Variants in TTC29 observed in about 807,000 individuals in gnomAD.
The protein encoded by TTC29 is tetratricopeptide repeat protein 29.
In TTC29, 49 loss-of-function variants were observed where a neutral mutation model predicts 58.1. The ratio of observed to expected loss-of-function variants is 0.84; its 90% CI spans 0.67 to 1.07. TTC29 has a LOEUF of 1.07. Among genes scored for constraint, TTC29 ranks in the 50% least tolerant of loss-of-function variants. TTC29 has a pLI of 0.00. For missense variants in TTC29, 582 were observed against 555.6 expected, an observed-to-expected ratio of 1.05 and a Z score of -0.48; for synonymous variants, 209 against 196.8, an observed-to-expected ratio of 1.06 and a Z score of -0.52.
intron 5 of TTC29, among the ~76,000 whole-genome samples, chr4:146,904,478 G>A (rs1200239255): frequency 6.6e-6 from 1 of 151,898 alleles, no homozygotes; most frequent in Non-Finnish European, 1.5e-5. Context: ...AAATGTGTCC[G>A]TCAATTGTGA....
intron 11 of TTC29, among the ~76,000 whole-genome samples, chr4:146,787,498 C>T (rs764117744): frequency 6.6e-6 from 1 of 152,156 alleles, no homozygotes; most frequent in Non-Finnish European, 1.5e-5. Flanking sequence ...TAGTTGTTTG[C>T]TATTAAGACT....
chr4:146,907,005 C>G (rs1450544992), intron 5 of TTC29, among the ~76,000 whole-genome samples: 1 of 152,096 alleles, frequency 6.6e-6, no homozygotes, highest in African/African-American at 2.4e-5. Context: ...GCCTGTAGTC[C>G]CAGCTACTCG....
At chr4:146,777,186 A>G (rs978685123) in intron 11 of TTC29, among the ~76,000 whole-genome samples, 1 of 152,170 alleles carries the variant, frequency 6.6e-6, no homozygotes, top group Non-Finnish European at 1.5e-5. Context: ...GAGGCGGAAG[A>G]TATTAGGTTC....
At chr4:146,857,711 A>T (rs543430173) in intron 8 of TTC29, among the ~76,000 whole-genome samples, 104 of 152,266 alleles carry the variant, frequency 6.8e-4, no homozygotes, top group Middle Eastern at 6.8e-3. Flanking sequence ...TGGAAGGGTA[A>T]ATTTTAGGTA....
chr4:146,732,903 G>C (rs187974974), intron 11 of TTC29, among the ~76,000 whole-genome samples: 1 of 152,276 alleles, frequency 6.6e-6, no homozygotes, highest in East Asian at 1.9e-4. Context: ...CATAACTTTA[G>C]GCCCAAAGGT....
At chr4:146,930,185 T>C (rs1386831720) in intron 4 of TTC29, among the ~76,000 whole-genome samples, 1 of 148,196 alleles carries the variant, frequency 6.7e-6, no homozygotes, top group East Asian at 2.0e-4. Context: ...TTTTAAATGG[T>C]CTCAGAGAAT....
At chr4:146,943,169 CTTTTTTTTTT>C (rs61184684) in intron 2 of TTC29, among the ~76,000 whole-genome samples, 13 of 59,494 alleles carry the variant, frequency 2.2e-4, no homozygotes, top group South Asian at 8.9e-4. Flanking sequence ...ATCAACTGTG[CTTTTTTTTTT>C]TTTTTTTTTT....
intron 7 of TTC29, among the ~76,000 whole-genome samples, chr4:146,872,292 C>CT (rs1730985314): frequency 6.6e-6 from 1 of 151,942 alleles, no homozygotes; most frequent in African/African-American, 2.4e-5. Flanking sequence ...ACTAAAAACT[C>CT]TTAAAGCATA....
chr4:146,880,781 C>T (rs990698962), intron 6 of TTC29, among the ~76,000 whole-genome samples: 7 of 152,026 alleles, frequency 4.6e-5, no homozygotes, highest in African/African-American at 1.7e-4. Flanking sequence ...TTTTGATGCA[C>T]ATTTTTGATT....
At chr4:146,728,763 A>ACATATATATGTGTATATATACG (rs1244598268) in intron 11 of TTC29, among the ~76,000 whole-genome samples, 14 of 65,094 alleles carry the variant, frequency 2.2e-4, no homozygotes, top group Admixed American at 8.1e-4. Flanking sequence ...ATATATGTAC[A>ACATATATATGTGTATATATACG]TATATATACA....
At chr4:146,844,892 A>G (rs1354845519) in intron 8 of TTC29, among the ~76,000 whole-genome samples, 1 of 152,204 alleles carries the variant, frequency 6.6e-6, no homozygotes, top group Non-Finnish European at 1.5e-5. Flanking sequence ...GTCGTTAGTA[A>G]TGGCAGAGGT....
At chr4:146,865,163 T>C (rs1277102256) in intron 8 of TTC29, among the ~76,000 whole-genome samples, 1 of 152,170 alleles carries the variant, frequency 6.6e-6, no homozygotes, top group Non-Finnish European at 1.5e-5. Flanking sequence ...ATGTCAAATA[T>C]TCCTTCTTCA....
intron 11 of TTC29, among the ~76,000 whole-genome samples, chr4:146,796,205 T>G (rs567883776): frequency 1.3e-5 from 2 of 152,182 alleles, no homozygotes; most frequent in African/African-American, 4.8e-5. Flanking sequence ...CTAAAAGAAG[T>G]GTTGAAAACC....
chr4:146,834,933 C>G (rs1273648861), intron 8 of TTC29, among the ~76,000 whole-genome samples: 1 of 152,102 alleles, frequency 6.6e-6, no homozygotes, highest in African/African-American at 2.4e-5. Flanking sequence ...TGACATAATA[C>G]TGTTGTTAAA....
In TTC29 at chr4:146,921,687, G is replaced by C. The variant is rs115508103; in HGVS notation, c.177-12438C>G. ...AAATACATAAAATTAACAGAATAAT[G>C]AGAAGACATCGATTTTAATTTTTTT... On this transcript the variant is annotated intron_variant, in intron 4 of 12. Coordinates refer to ENST00000325106, the MANE Select transcript of TTC29 (RefSeq NM_031956.4). Among the ~76,000 whole-genome samples, 596 of 151,076 alleles carry C rather than the reference G, an allele frequency of 3.9e-3. 4 individuals carry two copies. The highest frequency in any genetic ancestry group is 0.014 in the African/African-American group (568 of 41,426).
intron 11 of TTC29, among the ~76,000 whole-genome samples, chr4:146,761,929 G>A (rs1216879586): frequency 2.6e-5 from 4 of 151,624 alleles, no homozygotes; most frequent in Non-Finnish European, 2.9e-5. Flanking sequence ...CTTAAAAGGC[G>A]TTTATAAAAA....
intron 11 of TTC29, among the ~76,000 whole-genome samples, chr4:146,743,972 T>G (rs1463732683): frequency 6.6e-6 from 1 of 152,158 alleles, no homozygotes; most frequent in East Asian, 1.9e-4. Flanking sequence ...AAGCATTCAT[T>G]CAATCCAAGG....
At chr4:146,841,497 A>G (rs1194462474) in intron 8 of TTC29, among the ~76,000 whole-genome samples, 1 of 152,174 alleles carries the variant, frequency 6.6e-6, no homozygotes, top group East Asian at 1.9e-4. Flanking sequence ...ATCATATGAA[A>G]CAAGTTCTAG....
At chr4:146,900,632 G>A (rs1733079893) in intron 6 of TTC29, among the ~76,000 whole-genome samples, 1 of 152,136 alleles carries the variant, frequency 6.6e-6, no homozygotes, top group Non-Finnish European at 1.5e-5. Context: ...AATAAATTGA[G>A]CAATGTATAA....
Sources: allele counts gnomAD v4.1 joint callset (sites outside exome capture counted in the v4.1 genomes callset), GRCh38; gene constraint gnomAD v4.1.1; transcripts MANE v1.5; gene names NCBI Gene and HGNC (gene_info 2026-07-23, HGNC 2026-07-21).